Variants in MRC2 observed in about 807,000 individuals in gnomAD.
MRC2 encodes the protein mannose receptor C-type 2.
A neutral mutation model predicts 206.2 loss-of-function variants in MRC2; 84 were observed. That is an observed-to-expected ratio of 0.41 (90% CI 0.34 to 0.49). MRC2 has a LOEUF of 0.49. Among genes scored for constraint, MRC2 ranks in the 20% least tolerant of loss-of-function variants. The pLI is 0.31. For synonymous variants in MRC2, 798 were observed against 800.0 expected, an observed-to-expected ratio of 1.00 and a Z score of 0.04; for missense variants, 1,676 against 2,001.5, an observed-to-expected ratio of 0.84 and a Z score of 3.10.
chr17:62,675,520 C>A lies in MRC2; in HGVS notation c.1570-270C>A, dbSNP rs191278349. Among the ~76,000 whole-genome samples, 1 of 152,322 alleles carries A rather than the reference C, an allele frequency of 6.6e-6. No homozygotes were observed. Among genetic ancestry groups the A allele is most frequent in the East Asian group, 1.9e-4 (1 of 5,182 alleles). ...GAGCCTGAAGGGCCATTCATCTTCCCGAGCCGGGTCACTGGCCGGTCGCTG... is the reference window on the plus strand; with the variant it reads ...GAGCCTGAAGGGCCATTCATCTTCCAGAGCCGGGTCACTGGCCGGTCGCTG... On this transcript the variant is annotated intron_variant, in intron 9 of 29. Transcript: ENST00000303375. This position sits in a 1 kb window ranked among gnomAD's most constrained non-coding sequence, Gnocchi z 4.1.
In MRC2 at chr17:62,680,822, C is replaced by T. The variant is rs572294137; in HGVS notation, c.2496C>T (p.Phe832=). The change falls in exon 17 of 30, where the codon TTC becomes TTT. Residue 832 remains phenylalanine (F), a synonymous_variant. Transcript: ENST00000303375. The surrounding 1 kb of genome is among the most constrained non-coding windows in gnomAD (Gnocchi z 4.8). Reference sequence around the variant, plus strand: ...CAGGCCGACGGGAATGGCTGCGCTTCCAGGAGGCCGAGTACAAGTTCTTTG... The same window carrying T: ...CAGGCCGACGGGAATGGCTGCGCTTTCAGGAGGCCGAGTACAAGTTCTTTG... The part of the protein sequence containing the change: ...SPQGRREWLR[F]QEAEYKFFEH... 19 of 1,612,122 alleles carry T rather than the reference C, an allele frequency of 1.2e-5. No homozygotes were observed. In the East Asian group the frequency reaches 3.6e-4, roughly 30 times the overall value.
rs887206796 is a variant in MRC2 at position 62,666,071 on chromosome 17, T to C, written c.521-23T>C. The C allele has an allele frequency of 5.1e-6, 8 of 1,567,970 alleles. No individual in the cohort carries two copies. The highest frequency in any genetic ancestry group is 6.9e-6 in the Non-Finnish European group (8 of 1,156,390). On this transcript the variant is annotated intron_variant, in intron 2 of 29. Transcript: ENST00000303375. This position sits in a 1 kb window ranked among gnomAD's most constrained non-coding sequence, Gnocchi z 5.0. The stretch of plus-strand genomic sequence containing the variant: ...CTCTGGTGTCCAGATGCCAAGGGCC[T>C]GGCCCCTGTCCACCCCCTGCAGAGG...
At chr17:62,638,483 TA>T (rs952735037) in intron 1 of MRC2, among the ~76,000 whole-genome samples, 1 of 152,196 alleles carries the variant, frequency 6.6e-6, no homozygotes, top group African/African-American at 2.4e-5. Context: ...TTCATGCCTA[TA>T]ATCCCAGCCC....
At chr17:62,634,416 T>G (rs2088286512) in intron 1 of MRC2, among the ~76,000 whole-genome samples, 1 of 152,098 alleles carries the variant, frequency 6.6e-6, no homozygotes, top group Non-Finnish European at 1.5e-5. Flanking sequence ...TTCTCCTGCC[T>G]CAGCCTCCCA....
chr17:62,643,327 CAAAAAAAAAAAA>C (rs59698063), intron 1 of MRC2, among the ~76,000 whole-genome samples: 3 of 44,162 alleles, frequency 6.8e-5, no homozygotes, highest in African/African-American at 1.2e-4. Context: ...GAAACTCCGT[CAAAAAAAAAAAA>C]AAAAAAAAGA....
Position 62,627,744 on chromosome 17 carries a change from A to T in MRC2, c.-59A>T. On this transcript the variant is annotated 5_prime_UTR_variant, in exon 1 of 30. Transcript: ENST00000303375. ...ATCACAGCCCAGCCTCGGGGCTGCC[A>T]CAGCGCGTTGCGCCTGTGCGCCCTC... The T allele has an allele frequency of 7.8e-7, 1 of 1,289,538 alleles. No individual in the cohort carries two copies. The highest frequency in any genetic ancestry group is 1.0e-6 in the Non-Finnish European group (1 of 1,002,928). 79.9% of individuals were successfully genotyped at this position (1,289,538 alleles called of 1,614,324 possible).
intron 12 of MRC2, among the ~76,000 whole-genome samples, chr17:62,677,777 C>T (rs1268909253): frequency 2.0e-5 from 3 of 152,172 alleles, no homozygotes; most frequent in Admixed American, 6.5e-5. Context: ...CTTGGCCGGG[C>T]GCAGTGGCTC....
In MRC2 at chr17:62,690,147, C is replaced by T; in HGVS notation, c.3743-9C>T. On this transcript the variant is annotated splice_polypyrimidine_tract_variant and intron_variant, in intron 25 of 29. Coordinates refer to ENST00000303375, the MANE Select transcript of MRC2 (RefSeq NM_006039.5). ...TGCTGAGCCACTTCTTAATCCTGTA[C>T]CCCCACAGGGCCCCCTCCTCCCCGA... 3 of 1,596,554 alleles carry T rather than the reference C, an allele frequency of 1.9e-6. No homozygotes were observed. Among genetic ancestry groups the T allele is most frequent in the East Asian group, 2.2e-5 (1 of 44,570 alleles).
At chr17:62,645,515 ATATATATATATATTTTTTT>A (rs1363093875) in intron 1 of MRC2, among the ~76,000 whole-genome samples, 2 of 67,736 alleles carry the variant, frequency 3.0e-5, no homozygotes, top group Non-Finnish European at 5.9e-5. Context: ...ATATATATAT[ATATATATATATATTTTTTT>A]TTTTTTTTTT....
In MRC2 at chr17:62,664,045, C is replaced by T. The variant is rs1242013973; in HGVS notation, c.119-503C>T. Among the ~76,000 whole-genome samples, 2 of 149,310 alleles carry T rather than the reference C, an allele frequency of 1.3e-5. No individual in the cohort carries two copies. The highest frequency in any genetic ancestry group is 6.7e-5 in the Admixed American group (1 of 15,022). On this transcript the variant is annotated intron_variant, in intron 1 of 29. Transcript: ENST00000303375. The surrounding 1 kb of genome is among the most constrained non-coding windows in gnomAD (Gnocchi z 4.7). Reference sequence around the variant, plus strand: ...CGGGATCTCGGCTCACTGCAAGCTCCGCCTCCCGGGTTCACGCCATTCTCC... The same window carrying T: ...CGGGATCTCGGCTCACTGCAAGCTCTGCCTCCCGGGTTCACGCCATTCTCC...
At chr17:62,646,021 C>CTTTTT (rs1347844107) in intron 1 of MRC2, among the ~76,000 whole-genome samples, 1 of 127,322 alleles carries the variant, frequency 7.9e-6, no homozygotes, top group African/African-American at 3.3e-5. Context: ...CTGTCCTTTT[C>CTTTTT]TATTTTTTTT....
chr17:62,642,027 A>T (rs1401321561), intron 1 of MRC2, among the ~76,000 whole-genome samples: 1 of 152,234 alleles, frequency 6.6e-6, no homozygotes, highest in Non-Finnish European at 1.5e-5. Flanking sequence ...CTATGTAACC[A>T]TAATATCTAA....
chr17:62,689,840 C>T (rs538171012), intron 24 of MRC2, 54 bp from the exon 25 acceptor site: 51 of 1,551,980 alleles, frequency 3.3e-5, no homozygotes, highest in South Asian at 1.2e-4. Context: ...CCGCCTTATC[C>T]GCACCCTATC....
intron 6 of MRC2, among the ~76,000 whole-genome samples, chr17:62,669,303 C>T (rs1041353934): frequency 6.6e-6 from 1 of 152,074 alleles, no homozygotes; most frequent in Non-Finnish European, 1.5e-5. Flanking sequence ...CAACCTCTGC[C>T]TCCTAGGCTC....
In MRC2 at chr17:62,674,078, G is replaced by C; in HGVS notation, c.1477G>C (p.Asp493His). Residue 493 changes from aspartate (D) to histidine (H), a missense_variant, in exon 9 of 30, where the codon GAC (aspartate) becomes CAC (histidine). By Grantham distance (81) the Asp-to-His change is moderately conservative. Coordinates refer to ENST00000303375, the MANE Select transcript of MRC2 (RefSeq NM_006039.5). Reference sequence around the variant, plus strand: ...GTGTCCGTAGGAAGGCCGCTGGAACGACAGTCCCTGTAACCAGTCCTTGCC... The same window carrying C: ...GTGTCCGTAGGAAGGCCGCTGGAACCACAGTCCCTGTAACCAGTCCTTGCC... The part of the protein sequence containing the change: ...TIWGPEGRWN[D>H]SPCNQSLPSI... 1 of 1,552,396 alleles carries C rather than the reference G, an allele frequency of 6.4e-7. No homozygotes were observed. The highest frequency in any genetic ancestry group is 8.7e-7 in the Non-Finnish European group (1 of 1,147,448).
intron 1 of MRC2, among the ~76,000 whole-genome samples, chr17:62,653,964 G>A (rs189832733): frequency 1.4e-4 from 22 of 152,256 alleles, no homozygotes; most frequent in Non-Finnish European, 2.6e-4. Flanking sequence ...TGCAGGGTGG[G>A]GTGCTGGGTC....
In MRC2 at chr17:62,688,545, A is replaced by G; in HGVS notation, c.3106A>G (p.Ile1036Val). 2.5e-6 allele frequency: 4 copies of G among 1,614,206 alleles called. No homozygotes were observed. The highest frequency in any genetic ancestry group is 3.4e-6 in the Non-Finnish European group (4 of 1,180,042). ...GCCCAATGTGACCTTTGACCTTTGGATTGGCCTCCATGCCTCGCAGAGGGA... is the reference window on the plus strand; with the variant it reads ...GCCCAATGTGACCTTTGACCTTTGGGTTGGCCTCCATGCCTCGCAGAGGGA... Reference protein sequence around the residue: ...SLPNVTFDLWIGLHASQRDFQ... With the variant: ...SLPNVTFDLWVGLHASQRDFQ... Residue 1036 changes from isoleucine to valine, a missense_variant, in exon 22 of 30, where the codon ATT becomes GTT. Transcript: ENST00000303375.
rs1436131641 is a variant in MRC2 at position 62,656,205 on chromosome 17, C to T, written c.119-8343C>T. On this transcript the variant is annotated intron_variant, in intron 1 of 29. Coordinates refer to ENST00000303375, the MANE Select transcript of MRC2 (RefSeq NM_006039.5). ...GGGATTACAGGTGTGCGCCACCATG[C>T]CCCGCTAATTTTTGTACTTTTAGTA... Among the ~76,000 whole-genome samples the T allele has an allele frequency of 3.3e-5, 5 of 152,178 alleles. No homozygotes were observed. The East Asian group carries it at 9.6e-4, about 29-fold the overall frequency.
chr17:62,672,556 C>T lies in MRC2; in HGVS notation c.1461+404C>T, dbSNP rs1251465593. The stretch of plus-strand genomic sequence containing the variant: ...GGCTGCACTCTGCCAGCCCTCGCCC[C>T]CAGTGCTCTACCCAGTCCAGGGTCC... On this transcript the variant is annotated intron_variant, in intron 8 of 29. Transcript: ENST00000303375. This position sits in a 1 kb window ranked among gnomAD's most constrained non-coding sequence, Gnocchi z 4.5. Among the ~76,000 whole-genome samples the T allele has an allele frequency of 1.3e-5, 2 of 152,202 alleles. No homozygotes were observed. Among genetic ancestry groups the T allele is most frequent in the African/African-American group, 2.4e-5 (1 of 41,442 alleles).
Sources: gnomAD v4.1 joint callset for allele counts (sites outside exome capture counted in the v4.1 genomes callset) on GRCh38, gnomAD v4.1.1 for gene constraint, Gnocchi (gnomAD v3.1) non-coding constraint, MANE v1.5 for transcripts, NCBI Gene and HGNC (gene_info 2026-07-23, HGNC 2026-07-21) for gene names.